Variants in FSTL5 observed in about 807,000 individuals in gnomAD.
FSTL5 encodes follistatin like 5.
Under a neutral mutation model 89.1 loss-of-function variants are expected in FSTL5, and 62 were observed. That is an observed-to-expected ratio of 0.70 (90% CI 0.57 to 0.86). FSTL5 has a LOEUF of 0.86. FSTL5 is among the 40% of genes least tolerant of loss of function. The pLI, the probability that FSTL5 is intolerant of heterozygous loss-of-function variation, is 0.00. For missense variants in FSTL5, 1,057 were observed against 1,001.6 expected (o/e 1.06, Z -0.75); for synonymous variants, 383 against 346.2 (o/e 1.11, Z -1.18).
intron 8 of FSTL5, among the ~76,000 whole-genome samples, chr4:161,552,217 T>G (rs1466738679): frequency 6.6e-6 from 1 of 151,848 alleles, no homozygotes; most frequent in Non-Finnish European, 1.5e-5. Flanking sequence ...TCTTAACAAC[T>G]ACAGTTAGGA....
At chr4:161,607,762 T>C (rs1257847655) in intron 7 of FSTL5, among the ~76,000 whole-genome samples, 1 of 152,196 alleles carries the variant, frequency 6.6e-6, no homozygotes, top group African/African-American at 2.4e-5. Context: ...GTTCAATGTA[T>C]GCTTATGTCA....
rs1976060 is a variant in FSTL5 at position 162,031,798 on chromosome 4, C to T, written c.160+1827G>A. 9.9e-5 allele frequency among the ~76,000 whole-genome samples: 15 copies of T among 152,078 alleles called. 1 individual carries two copies. The South Asian group carries it at 2.9e-3, about 29-fold the overall frequency. The stretch of plus-strand genomic sequence containing the variant: ...TAAAAATACAAAAACATTAGCTGGT[C>T]GTGGTGGCAGGTGCCTGTAATCCCA... On this transcript the variant is annotated intron_variant, in intron 3 of 15. Transcript: ENST00000306100.
chr4:161,396,383 T>C (rs1441718706), intron 15 of FSTL5, among the ~76,000 whole-genome samples: 1 of 151,690 alleles, frequency 6.6e-6, no homozygotes, highest in Non-Finnish European at 1.5e-5. Context: ...GGCTCATGCC[T>C]GTAATCCCAG....
chr4:161,830,218 G>C (rs532307854), intron 4 of FSTL5, among the ~76,000 whole-genome samples: 1 of 151,858 alleles, frequency 6.6e-6, no homozygotes, highest in East Asian at 1.9e-4. Context: ...TTTTTTCTTT[G>C]CACTGCTGGA....
chr4:161,824,585 ATTTG>A (rs1165297694), intron 4 of FSTL5, among the ~76,000 whole-genome samples: 2 of 151,968 alleles, frequency 1.3e-5, no homozygotes, highest in East Asian at 1.9e-4. Flanking sequence ...ATATGTTTCT[ATTTG>A]TTTGTGTCAT....
chr4:161,472,311 T>G (rs1340026526), intron 13 of FSTL5, among the ~76,000 whole-genome samples: 1 of 152,168 alleles, frequency 6.6e-6, no homozygotes, highest in African/African-American at 2.4e-5. Context: ...TAACTTTTGG[T>G]TTCAATAGTT....
chr4:161,893,205 T>C (rs2110761413), intron 4 of FSTL5, among the ~76,000 whole-genome samples: 1 of 152,250 alleles, frequency 6.6e-6, no homozygotes, highest in East Asian at 1.9e-4. Context: ...GTAGTTGGCA[T>C]CATTAGGGAC....
At chr4:161,391,502 C>T (rs1376107943) in intron 15 of FSTL5, among the ~76,000 whole-genome samples, 2 of 152,118 alleles carry the variant, frequency 1.3e-5, no homozygotes, top group Non-Finnish European at 2.9e-5. Flanking sequence ...TTTTCATGGA[C>T]ATAAACCATA....
chr4:161,721,904 A>C lies in FSTL5; in HGVS notation c.727+37507T>G, dbSNP rs369584241. ...GCAAAGGGATAGTTTTAAGAAGCAT[A>C]ACTAGGTATCATTGTAGTGGTGAGC... On this transcript the variant is annotated intron_variant, in intron 6 of 15. Coordinates refer to ENST00000306100, the MANE Select transcript of FSTL5 (RefSeq NM_020116.5). 1.7e-4 allele frequency among the ~76,000 whole-genome samples: 26 copies of C among 152,338 alleles called. No individual in the cohort carries two copies. The South Asian group carries it at 3.1e-3, about 18-fold the overall frequency.
chr4:161,582,363 A>T (rs1485742167), intron 8 of FSTL5, among the ~76,000 whole-genome samples: 1 of 152,200 alleles, frequency 6.6e-6, no homozygotes, highest in Admixed American at 6.5e-5. Flanking sequence ...GATTTGTTGA[A>T]TTCCATAAAT....
intron 6 of FSTL5, among the ~76,000 whole-genome samples, chr4:161,662,423 A>G (rs1159984775): frequency 6.6e-6 from 1 of 152,202 alleles, no homozygotes; most frequent in Admixed American, 6.5e-5. Context: ...CATTTTTACC[A>G]TAAATAATAG....
At chr4:161,750,715 T>A (rs72977149) in intron 6 of FSTL5, among the ~76,000 whole-genome samples, 12,196 of 152,148 alleles carry the variant, frequency 0.08, 934 homozygotes, top group African/African-American at 0.2. Flanking sequence ...TTAAAAAATT[T>A]CTGTATGGTC....
intron 15 of FSTL5, among the ~76,000 whole-genome samples, chr4:161,395,572 A>G (rs1296298873): frequency 6.6e-6 from 1 of 152,136 alleles, no homozygotes; most frequent in Non-Finnish European, 1.5e-5. Flanking sequence ...AAAATCTAAA[A>G]TTAAAATACT....
At chr4:161,982,585 C>G (rs1002349092) in intron 3 of FSTL5, among the ~76,000 whole-genome samples, 4 of 152,114 alleles carry the variant, frequency 2.6e-5, no homozygotes, top group Non-Finnish European at 5.9e-5. Context: ...TTGGGGAAAA[C>G]AAGAAATGAT....
At chr4:162,006,060 T>C (rs917494671) in intron 3 of FSTL5, among the ~76,000 whole-genome samples, 7 of 152,062 alleles carry the variant, frequency 4.6e-5, no homozygotes, top group African/African-American at 7.2e-5. Context: ...TTAAATGTTA[T>C]CAACTTTCAT....
At chr4:161,905,975 G>C (rs942964840) in intron 4 of FSTL5, among the ~76,000 whole-genome samples, 8 of 152,194 alleles carry the variant, frequency 5.3e-5, no homozygotes, top group Non-Finnish European at 7.3e-5. Context: ...TAGCACAGAA[G>C]TGTGGAAAAG....
At chr4:161,937,958 C>T (rs1442099011) in intron 3 of FSTL5, among the ~76,000 whole-genome samples, 1 of 136,128 alleles carries the variant, frequency 7.3e-6, no homozygotes, top group African/African-American at 2.5e-5. Context: ...AGCAACATGT[C>T]CAGTTTCTTT....
intron 10 of FSTL5, among the ~76,000 whole-genome samples, chr4:161,522,748 T>C (rs1731082299): frequency 6.6e-6 from 1 of 151,686 alleles, no homozygotes; most frequent in Non-Finnish European, 1.5e-5. Context: ...AATACCTAGA[T>C]ACAAGAATAA....
chr4:162,030,391 T>C (rs1467349145), intron 3 of FSTL5, among the ~76,000 whole-genome samples: 1 of 152,174 alleles, frequency 6.6e-6, no homozygotes. Flanking sequence ...AAATACATTA[T>C]ATGGAAGTGG....
Sources: gnomAD v4.1 joint callset for allele counts (sites outside exome capture counted in the v4.1 genomes callset) on GRCh38, gnomAD v4.1.1 for gene constraint, MANE v1.5 for transcripts, NCBI Gene and HGNC (gene_info 2026-07-23, HGNC 2026-07-21) for gene names.